The following ATXN8OS variants were observed in gnomAD, a reference collection of about 807,000 sequenced individuals.
The protein encoded by ATXN8OS is ATXN8 opposite strand (non-protein coding).
At chr13:70,146,069 A>G (rs1294765654) in intron 3 of ATXN8OS, among the ~76,000 whole-genome samples, 1 of 15,946 alleles carries the variant, frequency 6.3e-5, no homozygotes, top group Admixed American at 6.7e-4. Context: ...TTTACAAGAA[A>G]AAAAAAAAAC....
At chr13:70,166,856 G>T (rs1409887641) in intron 4 of ATXN8OS, among the ~76,000 whole-genome samples, 1 of 151,614 alleles carries the variant, frequency 6.6e-6, no homozygotes, top group Admixed American at 6.6e-5. Context: ...GTGGGCAAAG[G>T]ATATAAACAG....
intron 2 of ATXN8OS, among the ~76,000 whole-genome samples, chr13:70,123,622 T>A (rs1888390725): frequency 6.6e-6 from 1 of 151,972 alleles, no homozygotes; most frequent in Non-Finnish European, 1.5e-5. Context: ...TCCACAAAAA[T>A]CAAATGAGAA....
chr13:70,151,715 AG>A (rs1888869392), intron 4 of ATXN8OS, among the ~76,000 whole-genome samples: 1 of 152,130 alleles, frequency 6.6e-6, no homozygotes, highest in Admixed American at 6.5e-5. Flanking sequence ...ACTGAATAGG[AG>A]GGAGCGATGA....
chr13:70,142,925 T>G (rs370690926), intron 3 of ATXN8OS, among the ~76,000 whole-genome samples: 60 of 152,144 alleles, frequency 3.9e-4, no homozygotes, highest in African/African-American at 1.3e-3. Context: ...AATACAAAAT[T>G]AGTCTGGTGT....
At chr13:70,124,536 A>G (rs1222267701) in intron 2 of ATXN8OS, among the ~76,000 whole-genome samples, 2 of 152,112 alleles carry the variant, frequency 1.3e-5, no homozygotes, top group Non-Finnish European at 2.9e-5. Flanking sequence ...GAAGCAATTG[A>G]AAAGACTTTA....
chr13:70,140,441 A>AAGG (rs1451085683), intron 3 of ATXN8OS, among the ~76,000 whole-genome samples: 1 of 151,750 alleles, frequency 6.6e-6, no homozygotes, highest in East Asian at 1.9e-4. Context: ...TGTAACTAAT[A>AAGG]ATGCCAAAAT....
At chr13:70,128,708 T>A (rs1888480912) in intron 2 of ATXN8OS, among the ~76,000 whole-genome samples, 1 of 152,084 alleles carries the variant, frequency 6.6e-6, no homozygotes, top group Non-Finnish European at 1.5e-5. Flanking sequence ...TTGTGTTTAT[T>A]TTTTTTGTAT....
chr13:70,123,758 A>T (rs2137477482), intron 2 of ATXN8OS, among the ~76,000 whole-genome samples: 1 of 152,284 alleles, frequency 6.6e-6, no homozygotes, highest in South Asian at 2.1e-4. Flanking sequence ...TGTACACAGA[A>T]AATTCTCATA....
At chr13:70,122,206 G>A (rs1247250059) in intron 2 of ATXN8OS, among the ~76,000 whole-genome samples, 2 of 151,732 alleles carry the variant, frequency 1.3e-5, no homozygotes, top group African/African-American at 4.8e-5. Flanking sequence ...CCCAGAAATT[G>A]TACCTGGGAA....
intron 2 of ATXN8OS, among the ~76,000 whole-genome samples, chr13:70,116,423 T>C (rs1412802812): frequency 2.0e-5 from 3 of 152,112 alleles, no homozygotes; most frequent in Admixed American, 2.0e-4. Flanking sequence ...ACTGTTCGTG[T>C]ATGAGCGACA....
chr13:70,153,168 G>A (rs1888893819), intron 4 of ATXN8OS, among the ~76,000 whole-genome samples: 1 of 152,054 alleles, frequency 6.6e-6, no homozygotes, highest in Non-Finnish European at 1.5e-5. Flanking sequence ...TGAGAGCAGA[G>A]ACATTACTGG....
intron 3 of ATXN8OS, chr13:70,139,362 A>G (rs1593768171): frequency 1.7e-6 from 1 of 594,620 alleles, no homozygotes; most frequent in Admixed American, 2.8e-5. Flanking sequence ...TACTACTACT[A>G]CTACTACTAC....
chr13:70,171,421 A>G (rs1430378479), exon 5 of ATXN8OS, among the ~76,000 whole-genome samples: 1 of 152,146 alleles, frequency 6.6e-6, no homozygotes, highest in Non-Finnish European at 1.5e-5. Context: ...TGGGTGAGTC[A>G]CTGAGTGAAT....
At chr13:70,121,404 A>T (rs1290926530) in intron 2 of ATXN8OS, among the ~76,000 whole-genome samples, 1 of 152,080 alleles carries the variant, frequency 6.6e-6, no homozygotes, top group Non-Finnish European at 1.5e-5. Context: ...TCTCCAATAG[A>T]AACTGAGTGA....
chr13:70,139,404 G>A lies in ATXN8OS; in HGVS notation n.500-7951G>A, dbSNP rs539125366. ...TACTACTGCTGCTGCTGCTGCTGCT[G>A]CTGCTGCTGCTGCTGCTGCTGCTGC... On this transcript the variant is annotated intron_variant and non_coding_transcript_variant, in intron 3 of 4. Transcript: ENST00000678624. 82 of 752,798 alleles carry A rather than the reference G, an allele frequency of 1.1e-4. 2 individuals carry two copies. The highest frequency in any genetic ancestry group is 3.4e-4 in the African/African-American group (19 of 55,658). The allele number at this position is 752,798 out of a possible 1,614,324, so 46.6% of individuals were successfully genotyped here.
At chr13:70,139,413 G>T in intron 3 of ATXN8OS, 1 of 734,350 alleles carries the variant, frequency 1.4e-6, no homozygotes, top group South Asian at 1.7e-5. Context: ...TGCTGCTGCT[G>T]CTGCTGCTGC....
chr13:70,146,371 C>G (rs929300395), intron 3 of ATXN8OS, among the ~76,000 whole-genome samples: 11 of 151,604 alleles, frequency 7.3e-5, no homozygotes, highest in African/African-American at 2.4e-4. Context: ...CTTCAGGGAT[C>G]TAGAACTAGA....
At chr13:70,131,069 G>A (rs1010486570) in intron 3 of ATXN8OS, 10 of 398,334 alleles carry the variant, frequency 2.5e-5, no homozygotes, top group African/African-American at 1.9e-4. Flanking sequence ...GACCAATTTT[G>A]TCTTATCTCT....
At position 70,167,723 on chromosome 13, in the gene ATXN8OS, C is replaced by CTTTTTTTTTTTTTTTTTTTTTTT. The variant is rs4053603; in HGVS notation, n.574-2026_574-2004dup. ...AATACTATCACAACATATGTAACTT[C>CTTTTTTTTTTTTTTTTTTTTTTT]TTTTTTTTTTTTTTTTTTTTTTTTT... On this transcript the variant is annotated intron_variant and non_coding_transcript_variant, in intron 4 of 4. Transcript: ENST00000678624. Among the ~76,000 whole-genome samples the CTTTTTTTTTTTTTTTTTTTTTTT allele has an allele frequency of 2.6e-4, 16 of 61,896 alleles. 4 individuals carry two copies. Among genetic ancestry groups the CTTTTTTTTTTTTTTTTTTTTTTT allele is most frequent in the African/African-American group, 8.4e-4 (15 of 17,844 alleles). The allele number at this position is 61,896 out of a possible 152,430, so 40.6% of individuals were successfully genotyped here.
Sources: allele counts gnomAD v4.1 joint callset (sites outside exome capture counted in the v4.1 genomes callset), GRCh38; gene constraint gnomAD v4.1.1; transcripts MANE v1.5; gene names NCBI Gene and HGNC (gene_info 2026-07-23, HGNC 2026-07-21).